Variants in AACS observed in about 807,000 individuals in gnomAD.
AACS encodes acetoacetyl-CoA synthetase.
AACS carries 69 observed loss-of-function variants against 83.1 expected under a neutral mutation model. The observed-to-expected ratio is 0.83, with a 90% CI of 0.68 to 1.01. The LOEUF (loss-of-function observed/expected upper bound fraction) is 1.01. Among genes scored for constraint, AACS ranks in the 50% least tolerant of loss-of-function variants. The probability of loss-of-function intolerance (pLI) is 0.00; values close to 1 mark genes in which losing one functional copy is unlikely to be tolerated. For missense variants in AACS, 866 were observed against 882.2 expected (o/e 0.98, Z 0.23); for synonymous variants, 333 against 343.4 (o/e 0.97, Z 0.33).
intron 3 of AACS, among the ~76,000 whole-genome samples, chr12:125,083,725 C>T (rs192336004): frequency 5.9e-5 from 9 of 152,220 alleles, no homozygotes; most frequent in African/African-American, 2.2e-4. Context: ...ACCATGTTGA[C>T]TCACTGCAAC....
chr12:125,129,386 C>G lies in AACS; in HGVS notation c.1475C>G (p.Pro492Arg). The G allele has an allele frequency of 6.2e-7, 1 of 1,614,064 alleles. No homozygotes were observed. The highest frequency in any genetic ancestry group is 8.5e-7 in the Non-Finnish European group (1 of 1,180,012). The change falls in exon 14 of 18, where the codon CCT becomes CGT. Residue 492 changes from proline (P) to arginine (R), a missense_variant. Physicochemically the swap from Pro to Arg is moderately radical, Grantham distance 103. Transcript: ENST00000316519. The surrounding 1 kb of genome is among the most constrained non-coding windows in gnomAD (Gnocchi z 4.3). The stretch of plus-strand genomic sequence containing the variant: ...GAGCTGGTGTGTACTAAGCCGATCC[C>G]TTGCCAGCCCACACACTTCTGGAAC... ...SGELVCTKPIPCQPTHFWNDE... is the reference protein window; with the variant it reads ...SGELVCTKPIRCQPTHFWNDE...
Position 125,080,848 on chromosome 12 carries a change from C to A in AACS, c.358+4237C>A, listed in dbSNP as rs1050123685. 1.3e-4 allele frequency among the ~76,000 whole-genome samples: 20 copies of A among 151,884 alleles called. 1 individual carries two copies. Among genetic ancestry groups the A allele is most frequent in the African/African-American group, 4.8e-4 (20 of 41,412 alleles). On this transcript the variant is annotated intron_variant, in intron 3 of 17. Coordinates refer to ENST00000316519, the MANE Select transcript of AACS (RefSeq NM_023928.5). The stretch of plus-strand genomic sequence containing the variant: ...CTGGGACTACAGGCGCCCGCCACCA[C>A]GCCTGGCTAATTTTTTGTATTTTTA...
intron 4 of AACS, among the ~76,000 whole-genome samples, chr12:125,089,481 G>A (rs1457798478): frequency 6.6e-6 from 1 of 152,118 alleles, no homozygotes; most frequent in Non-Finnish European, 1.5e-5. Flanking sequence ...TGTGTAGAGT[G>A]ATCTGGTTAA....
chr12:125,114,423 C>G, intron 8 of AACS, 54 bp from the exon 9 acceptor site: 1 of 1,474,302 alleles, frequency 6.8e-7, no homozygotes, highest in South Asian at 1.2e-5. Context: ...GTACCAGATT[C>G]CTGGTACTGT....
chr12:125,118,296 C>T (rs191448794), intron 9 of AACS: 12 of 269,714 alleles, frequency 4.4e-5, no homozygotes, highest in Admixed American at 2.0e-4. Flanking sequence ...CTGTTCAGAA[C>T]GCCTCATGTG....
At chr12:125,120,941 A>C (rs532250707) in intron 10 of AACS, 1 of 152,550 alleles carries the variant, frequency 6.6e-6, no homozygotes, top group African/African-American at 2.4e-5. Context: ...GTGCATGTGC[A>C]TGCAGCTGTG....
rs140026384 is a variant in AACS, at chr12:125,142,175, G to A, written c.1965G>A (p.Ser655=). 286 of 1,614,170 alleles carry A rather than the reference G, an allele frequency of 1.8e-4. 2 individuals carry two copies. In the African/African-American group the frequency reaches 2.8e-3, roughly 16 times the overall value. ...CCGTGGAGCAAGGAGGTGCTTTCTCGAACCCCGAGACCCTGGATCTGTACC... is the reference window on the plus strand; with the variant it reads ...CCGTGGAGCAAGGAGGTGCTTTCTCAAACCCCGAGACCCTGGATCTGTACC... ...GKAVEQGGAF[S]NPETLDLYRD... Residue 655 remains serine, a synonymous_variant, in exon 18 of 18, where the codon TCG becomes TCA. Coordinates refer to ENST00000316519, the MANE Select transcript of AACS (RefSeq NM_023928.5).
intron 3 of AACS, chr12:125,078,360 A>G (rs998087958): frequency 2.2e-6 from 1 of 455,810 alleles, no homozygotes; most frequent in Middle Eastern, 3.6e-4. Context: ...TCGACGTACC[A>G]TATGGGGCTG....
rs964487563 is a variant in AACS, at chr12:125,136,800, C to G, written c.1817C>G (p.Ala606Gly). 3 of 1,613,976 alleles carry G rather than the reference C, an allele frequency of 1.9e-6. No homozygotes were observed. The highest frequency in any genetic ancestry group is 1.7e-6 in the Non-Finnish European group (2 of 1,180,058). Residue 606 changes from alanine (A) to glycine (G), a missense_variant, in exon 17 of 18, where the codon GCC becomes GGC. Ala to Gly is a moderately conservative substitution (Grantham distance 60). Coordinates refer to ENST00000316519, the MANE Select transcript of AACS (RefSeq NM_023928.5). ...QPDLVKRIRD[A>G]IRMGLSARHV... The stretch of plus-strand genomic sequence containing the variant: ...GACTTGGTTAAGAGGATCCGTGACG[C>G]CATCCGCATGGGCTTGTCTGCGCGA...
intron 1 of AACS, among the ~76,000 whole-genome samples, chr12:125,071,442 T>C (rs1298325395): frequency 6.6e-6 from 1 of 152,184 alleles, no homozygotes; most frequent in Non-Finnish European, 1.5e-5. Flanking sequence ...CATTTAAAAA[T>C]GGATTTATGT....
At chr12:125,096,180 G>A (rs1263329853) in intron 5 of AACS, among the ~76,000 whole-genome samples, 1 of 152,154 alleles carries the variant, frequency 6.6e-6, no homozygotes, top group African/African-American at 2.4e-5. Context: ...TAGCCAGGCT[G>A]GTCTCGATCT....
At chr12:125,121,882 G>T (rs58416336) in intron 10 of AACS, 71,897 of 151,866 alleles carry the variant, frequency 0.47, 17,777 homozygotes, top group African/African-American at 0.62. Context: ...AGCTCCCTGG[G>T]GGGTCCTGGG....
rs1036172980 is a variant in AACS, at chr12:125,140,368, T to C, written c.1882-1724T>C. ...GGTAGCAGGATTTCTTTTAAGAGGA[T>C]GCTGCTGTATTTTGCCAGCGGGTGG... On this transcript the variant is annotated intron_variant, in intron 17 of 17. Coordinates refer to ENST00000316519, the MANE Select transcript of AACS (RefSeq NM_023928.5). The surrounding 1 kb of genome is among the most constrained non-coding windows in gnomAD (Gnocchi z 5.1). The C allele has an allele frequency of 5.3e-5, 8 of 152,248 alleles. No individual in the cohort carries two copies. The highest frequency in any genetic ancestry group is 5.9e-5 in the Non-Finnish European group (4 of 68,050). 9.4% of individuals were successfully genotyped at this position (152,248 alleles called of 1,614,324 possible). A position where few individuals can be genotyped will look rare whatever the true frequency, so the allele number is the denominator to read the frequency against.
At chr12:125,141,899 G>A (rs755866861) in intron 17 of AACS, among the ~76,000 whole-genome samples, 193 bp from the exon 18 acceptor site, 1 of 152,108 alleles carries the variant, frequency 6.6e-6, no homozygotes, top group Middle Eastern at 3.4e-3. Flanking sequence ...CAAACAGAGA[G>A]ACAGTGGTCA....
In AACS at chr12:125,130,813, C is replaced by A. The variant is rs1416190803; in HGVS notation, c.1549+1353C>A. 6.6e-6 allele frequency among the ~76,000 whole-genome samples: 1 copy of A among 152,100 alleles called. No homozygotes were observed. The highest frequency in any genetic ancestry group is 1.5e-5 in the Non-Finnish European group (1 of 68,028). ...AGATTTTGCTTCTCTTTGAATAATCCTGTCATGAAGTCAGTTTTAAAGGTA... is the reference window on the plus strand; with the variant it reads ...AGATTTTGCTTCTCTTTGAATAATCATGTCATGAAGTCAGTTTTAAAGGTA... On this transcript the variant is annotated intron_variant, in intron 14 of 17. Coordinates refer to ENST00000316519, the MANE Select transcript of AACS (RefSeq NM_023928.5). The surrounding 1 kb of genome is among the most constrained non-coding windows in gnomAD (Gnocchi z 4.9).
In AACS at chr12:125,113,861, A is replaced by G. The variant is rs980656295; in HGVS notation, c.916-616A>G. Among the ~76,000 whole-genome samples the G allele has an allele frequency of 6.6e-6, 1 of 152,130 alleles. No homozygotes were observed. Among genetic ancestry groups the G allele is most frequent in the African/African-American group, 2.4e-5 (1 of 41,422 alleles). ...TCTGGACCGTGCAAATACATTGCCT[A>G]TTAAGCACCAAAATTAAAAGGTAAT... On this transcript the variant is annotated intron_variant, in intron 8 of 17. Transcript: ENST00000316519. The surrounding 1 kb of genome is among the most constrained non-coding windows in gnomAD (Gnocchi z 4.8).
intron 3 of AACS, among the ~76,000 whole-genome samples, chr12:125,083,022 C>T (rs1363496722): frequency 6.6e-6 from 1 of 152,224 alleles, no homozygotes; most frequent in African/African-American, 2.4e-5. Flanking sequence ...CTTTCCATGT[C>T]ATAGATTTCC....
rs1956444239 is a variant in AACS at position 125,090,204 on chromosome 12, C to CAACTATCCATCCATCTGTCTACA, written c.473-1222_473-1221insAACTATCCATCCATCTGTCTACA. ...TTCTTCTCTCCATCTACCCATTTAC[C>CAACTATCCATCCATCTGTCTACA]CATTATCCATCTATCCATCCATTTA... On this transcript the variant is annotated intron_variant, in intron 4 of 17. Coordinates refer to ENST00000316519, the MANE Select transcript of AACS (RefSeq NM_023928.5). Among the ~76,000 whole-genome samples, 2 of 1,406 alleles carry CAACTATCCATCCATCTGTCTACA rather than the reference C, an allele frequency of 1.4e-3. 1 individual carries two copies. 0.9% of individuals were successfully genotyped at this position (1,406 alleles called of 152,430 possible).
At position 125,076,476 on chromosome 12, in the gene AACS, T is replaced by C. The variant is rs192532596; in HGVS notation, c.238-15T>C. ...CTCATGTGTGTGCGTCTTGGTTTGT[T>C]GTCATTCTCTATAGGTTGTGGACAC... On this transcript the variant is annotated splice_polypyrimidine_tract_variant and intron_variant, in intron 2 of 17. Transcript: ENST00000316519. 2,517 of 1,613,202 alleles carry C rather than the reference T, an allele frequency of 1.6e-3. 4 individuals are homozygous for C. Among genetic ancestry groups the C allele is most frequent in the Non-Finnish European group, 2.0e-3 (2,321 of 1,179,286 alleles).
Sources: gnomAD v4.1 joint callset for allele counts (sites outside exome capture counted in the v4.1 genomes callset) on GRCh38, gnomAD v4.1.1 for gene constraint, Gnocchi (gnomAD v3.1) non-coding constraint, MANE v1.5 for transcripts, NCBI Gene and HGNC (gene_info 2026-07-23, HGNC 2026-07-21) for gene names.